Variants in MXD1 observed in about 807,000 individuals in gnomAD.
MXD1 encodes MAX-binding protein.
MXD1 carries 9 observed loss-of-function variants against 25.7 expected under a neutral mutation model. The observed-to-expected ratio is 0.35, with a 90% CI of 0.21 to 0.61. The LOEUF (loss-of-function observed/expected upper bound fraction) is 0.61. Among genes scored for constraint, MXD1 ranks in the 20% least tolerant of loss-of-function variants. The pLI is 0.75. For synonymous variants in MXD1, 99 were observed against 113.9 expected (o/e 0.87, Z 0.83); for missense variants, 227 against 292.4 (o/e 0.78, Z 1.63).
intron 3 of MXD1, among the ~76,000 whole-genome samples, chr2:69,932,416 G>A (rs1677309964): frequency 1.3e-5 from 2 of 152,216 alleles, no homozygotes; most frequent in South Asian, 2.1e-4. Flanking sequence ...GGGGATGTCT[G>A]CAGGCAGTGG....
intron 3 of MXD1, among the ~76,000 whole-genome samples, chr2:69,931,639 A>C (rs1677287514): frequency 6.6e-6 from 1 of 152,254 alleles, no homozygotes; most frequent in South Asian, 2.1e-4. Flanking sequence ...AAAAATTAAA[A>C]ATCAACAAAA....
intron 2 of MXD1, among the ~76,000 whole-genome samples, chr2:69,921,068 T>C (rs1360522355): frequency 6.6e-6 from 1 of 152,228 alleles, no homozygotes; most frequent in Admixed American, 6.5e-5. Context: ...AACAGGATGG[T>C]AAAGAATTTT....
In MXD1 at chr2:69,915,959, AT is replaced by A. The variant is rs200161399; in HGVS notation, c.74-153del. On this transcript the variant is annotated intron_variant, in intron 1 of 5. Coordinates refer to ENST00000264444, the MANE Select transcript of MXD1 (RefSeq NM_002357.4). This position sits in a 1 kb window ranked among gnomAD's most constrained non-coding sequence, Gnocchi z 5.8. ...GCTCCGAATTGACGATATTCACACA[AT>A]TTTTTTTTAAATCATTGTTCTCAGA... Among the ~76,000 whole-genome samples the A allele has an allele frequency of 2.6e-5, 4 of 152,140 alleles. No individual in the cohort carries two copies. The highest frequency in any genetic ancestry group is 2.4e-5 in the African/African-American group (1 of 41,522).
chr2:69,931,878 T>G (rs1446619860), intron 3 of MXD1, among the ~76,000 whole-genome samples: 1 of 152,046 alleles, frequency 6.6e-6, no homozygotes, highest in Non-Finnish European at 1.5e-5. Flanking sequence ...TACAAAGCAG[T>G]GTGGATCAGT....
chr2:69,922,218 G>A (rs920327600), intron 3 of MXD1, among the ~76,000 whole-genome samples: 1 of 152,174 alleles, frequency 6.6e-6, no homozygotes, highest in Non-Finnish European at 1.5e-5. Context: ...TGTGAATGAA[G>A]AGTCTCAAAA....
In MXD1 at chr2:69,940,677, T is replaced by C. The variant is rs1365950998; in HGVS notation, c.*2393T>C. On this transcript the variant is annotated 3_prime_UTR_variant, in exon 6 of 6. Transcript: ENST00000264444. ...GTTTGTCTGGTCCTTTTCAGTTTGA[T>C]TGCATATAAATGTGGAACTTGATAG... 6.5e-6 allele frequency: 1 copy of C among 152,676 alleles called. No individual in the cohort carries two copies. The highest frequency in any genetic ancestry group is 1.5e-5 in the Non-Finnish European group (1 of 68,040). 9.5% of individuals were successfully genotyped at this position (152,676 alleles called of 1,614,324 possible).
intron 4 of MXD1, 42 bp from the exon 5 acceptor site, chr2:69,937,193 G>A: frequency 6.2e-7 from 1 of 1,610,028 alleles, no homozygotes; most frequent in Non-Finnish European, 8.5e-7. Context: ...CCCATTTAGA[G>A]ATCTCCCTGT....
chr2:69,917,415 AC>A (rs1413394378), intron 2 of MXD1, among the ~76,000 whole-genome samples: 1 of 152,246 alleles, frequency 6.6e-6, no homozygotes, highest in Non-Finnish European at 1.5e-5. Context: ...GTATGAAGGC[AC>A]TTTAAGAAAG....
intron 3 of MXD1, among the ~76,000 whole-genome samples, chr2:69,931,291 T>C (rs184722454): frequency 1.8e-4 from 27 of 152,332 alleles, no homozygotes; most frequent in Admixed American, 5.2e-4. Context: ...AGCTATTTTT[T>C]TTTTAACCCA....
chr2:69,922,450 C>A (rs1371688884), intron 3 of MXD1, among the ~76,000 whole-genome samples: 2 of 152,172 alleles, frequency 1.3e-5, no homozygotes, highest in Non-Finnish European at 2.9e-5. Context: ...GAATCACTTG[C>A]AAAGCTTTCT....
intron 3 of MXD1, among the ~76,000 whole-genome samples, chr2:69,923,174 A>G (rs942808461): frequency 3.9e-5 from 6 of 152,150 alleles, no homozygotes; most frequent in African/African-American, 1.2e-4. Flanking sequence ...AAACAAAATA[A>G]TGCCCAGACC....
At chr2:69,933,215 A>C (rs202237623) in intron 3 of MXD1, among the ~76,000 whole-genome samples, 10,728 of 149,836 alleles carry the variant, frequency 0.072, 478 homozygotes, top group Non-Finnish European at 0.097. Context: ...AAAAAAAAAA[A>C]AAAAAAAAAC....
Position 69,941,317 on chromosome 2 carries a change from C to T in MXD1, c.*3033C>T, listed in dbSNP as rs1388614667. ...TCCCCTGTTGGCTTTGAATGGTGGG[C>T]CGAGCACCCAGGTCGTCTGTATTTT... On this transcript the variant is annotated 3_prime_UTR_variant, in exon 6 of 6. Coordinates refer to ENST00000264444, the MANE Select transcript of MXD1 (RefSeq NM_002357.4). 6.6e-6 allele frequency: 1 copy of T among 152,146 alleles called. No homozygotes were observed. The highest frequency in any genetic ancestry group is 2.4e-5 in the African/African-American group (1 of 41,424). 9.4% of individuals were successfully genotyped at this position (152,146 alleles called of 1,614,324 possible).
At position 69,915,559 on chromosome 2, in the gene MXD1, G is replaced by A. The variant is rs1238729308; in HGVS notation, c.73+156G>A. Among the ~76,000 whole-genome samples the A allele has an allele frequency of 1.3e-5, 2 of 152,200 alleles. No homozygotes were observed. Among genetic ancestry groups the A allele is most frequent in the Non-Finnish European group, 2.9e-5 (2 of 68,014 alleles). On this transcript the variant is annotated intron_variant, in intron 1 of 5. Transcript: ENST00000264444. The surrounding 1 kb of genome is among the most constrained non-coding windows in gnomAD (Gnocchi z 5.8). ...TGGCTCTCCCCACGCGCGGTCCGAA[G>A]GGAAGCCGCCGCTGCCCCAAAGCAA...
At chr2:69,928,046 G>A (rs1677203590) in intron 3 of MXD1, among the ~76,000 whole-genome samples, 1 of 151,536 alleles carries the variant, frequency 6.6e-6, no homozygotes, top group Non-Finnish European at 1.5e-5. Context: ...AGAATCTCCT[G>A]TGACCCTTGA....
At chr2:69,924,536 T>C (rs1267112686) in intron 3 of MXD1, among the ~76,000 whole-genome samples, 2 of 152,170 alleles carry the variant, frequency 1.3e-5, no homozygotes, top group Admixed American at 1.3e-4. Flanking sequence ...CATGGATGCT[T>C]AAGAACTTCA....
intron 2 of MXD1, among the ~76,000 whole-genome samples, chr2:69,917,844 A>G (rs62151998): frequency 1.3e-5 from 2 of 148,664 alleles, no homozygotes; most frequent in Non-Finnish European, 3.0e-5. Context: ...AAAAAAATAA[A>G]GGCTACAAAT....
At position 69,915,110 on chromosome 2, in the gene MXD1, C is replaced by G; in HGVS notation, c.-221C>G. The G allele has an allele frequency of 2.5e-6, 1 of 406,238 alleles. No homozygotes were observed. The highest frequency in any genetic ancestry group is 4.3e-6 in the Non-Finnish European group (1 of 231,186). 25.2% of individuals were successfully genotyped at this position (406,238 alleles called of 1,614,324 possible). A position where few individuals can be genotyped will look rare whatever the true frequency, so the allele number is the denominator to read the frequency against. On this transcript the variant is annotated 5_prime_UTR_variant, in exon 1 of 6. Coordinates refer to ENST00000264444, the MANE Select transcript of MXD1 (RefSeq NM_002357.4). The surrounding 1 kb of genome is among the most constrained non-coding windows in gnomAD (Gnocchi z 5.8). ...CACTCCGCGGCGGTGGCGGCTGCTG[C>G]TCTGCTCCGGGTTCTGTCACTGTGT...
intron 3 of MXD1, among the ~76,000 whole-genome samples, chr2:69,924,223 T>C (rs943361384): frequency 3.3e-5 from 5 of 152,226 alleles, no homozygotes; most frequent in Non-Finnish European, 7.3e-5. Context: ...GATTGGGATG[T>C]GCACAAGAAG....
Sources: allele counts gnomAD v4.1 joint callset (sites outside exome capture counted in the v4.1 genomes callset), GRCh38; gene constraint gnomAD v4.1.1; non-coding constraint Gnocchi (gnomAD v3.1); transcripts MANE v1.5; gene names NCBI Gene and HGNC (gene_info 2026-07-23, HGNC 2026-07-21).